ZNF704: variants seen among roughly 807,000 people sequenced by gnomAD.
The protein encoded by ZNF704 is zinc finger protein 704, also known as glucocorticoid induced gene 1.
A neutral mutation model predicts 44.7 loss-of-function variants in ZNF704; 10 were observed. The ratio of observed to expected loss-of-function variants is 0.22; its 90% CI spans 0.14 to 0.38. The LOEUF is 0.38. Among genes scored for constraint, ZNF704 ranks in the 10% least tolerant of loss-of-function variants. ZNF704 has a pLI of 1.00. For synonymous variants in ZNF704, 211 were observed against 207.6 expected, an observed-to-expected ratio of 1.02 and a Z score of -0.14; for missense variants, 390 against 545.5, an observed-to-expected ratio of 0.71 and a Z score of 2.84.
chr8:80,664,983 CA>C lies in ZNF704; in HGVS notation c.758del (p.Leu253ArgfsTer35). On this transcript the variant is annotated frameshift_variant, in exon 6 of 9. Coordinates refer to ENST00000327835, the MANE Select transcript of ZNF704 (RefSeq NM_001033723.3). LOFTEE classifies it high-confidence loss of function. ...GGGACTGGGAAGGTGAGACCGGGGCCAGGCTGCTCAGCCCGTCTGCCACTGA... is the reference window on the plus strand; with the variant it reads ...GGGACTGGGAAGGTGAGACCGGGGCCGGCTGCTCAGCCCGTCTGCCACTGA... Reference protein sequence around the residue: ...TDSVADGLSSLAPVSPSQSLA... With the variant: ...TDSVADGLSSXAPVSPSQSLA... 1 of 1,614,210 alleles carries C rather than the reference CA, an allele frequency of 6.2e-7. No individual in the cohort carries two copies. The highest frequency in any genetic ancestry group is 8.5e-7 in the Non-Finnish European group (1 of 1,180,040).
intron 2 of ZNF704, among the ~76,000 whole-genome samples, chr8:80,702,003 C>T (rs1318495801): frequency 6.6e-6 from 1 of 152,088 alleles, no homozygotes; most frequent in African/African-American, 2.4e-5. Context: ...GGAACTCTAG[C>T]ATATTTAAAT....
intron 2 of ZNF704, among the ~76,000 whole-genome samples, chr8:80,705,913 G>A (rs1476002803): frequency 6.6e-6 from 1 of 152,168 alleles, no homozygotes; most frequent in African/African-American, 2.4e-5. Flanking sequence ...GCTGCATTTA[G>A]CTGGACTGCT....
intron 7 of ZNF704, among the ~76,000 whole-genome samples, chr8:80,648,589 T>C (rs1817867866): frequency 6.6e-6 from 1 of 152,272 alleles, no homozygotes; most frequent in East Asian, 1.9e-4. Context: ...AAATAAATAA[T>C]CTATATCTAC....
chr8:80,743,815 CT>C (rs1024016652), intron 2 of ZNF704, among the ~76,000 whole-genome samples: 2 of 152,306 alleles, frequency 1.3e-5, no homozygotes, highest in African/African-American at 4.8e-5. Flanking sequence ...CATAGGGTCC[CT>C]GTGAAAATTA....
At chr8:80,762,314 A>C (rs1807145612) in intron 2 of ZNF704, among the ~76,000 whole-genome samples, 1 of 152,192 alleles carries the variant, frequency 6.6e-6, no homozygotes, top group Non-Finnish European at 1.5e-5. Flanking sequence ...AGACTAGGTA[A>C]TTTATAAAGG....
chr8:80,790,483 A>AAT (rs1807685595), intron 2 of ZNF704, among the ~76,000 whole-genome samples: 1 of 152,222 alleles, frequency 6.6e-6, no homozygotes, highest in Non-Finnish European at 1.5e-5. Context: ...CACCTATGTA[A>AAT]ATACACACAC....
chr8:80,649,943 C>T (rs1472634685), intron 7 of ZNF704, among the ~76,000 whole-genome samples: 3 of 152,228 alleles, frequency 2.0e-5, no homozygotes, highest in South Asian at 2.1e-4. Flanking sequence ...CTCACACGGC[C>T]GGGTACTTCT....
In ZNF704 at chr8:80,741,927, C is replaced by T. The variant is rs138186309; in HGVS notation, c.222-48820G>A. On this transcript the variant is annotated intron_variant, in intron 2 of 8. Coordinates refer to ENST00000327835, the MANE Select transcript of ZNF704 (RefSeq NM_001033723.3). ...CAGCTGGCAAAACTAATAGCCCTCA[C>T]TCGGGCATCAGAATTAGGAAAAGGA... Among the ~76,000 whole-genome samples, 144 of 152,256 alleles carry T rather than the reference C, an allele frequency of 9.5e-4. 1 individual carries two copies. The East Asian group carries it at 0.025, about 26-fold the overall frequency.
intron 1 of ZNF704, among the ~76,000 whole-genome samples, chr8:80,862,520 G>A (rs1219046248): frequency 2.0e-5 from 3 of 149,124 alleles, no homozygotes; most frequent in Non-Finnish European, 3.0e-5. Flanking sequence ...AGCACTTTGG[G>A]AGGCCAAGGC....
chr8:80,809,362 T>C (rs1808046246), intron 2 of ZNF704, among the ~76,000 whole-genome samples: 1 of 152,204 alleles, frequency 6.6e-6, no homozygotes, highest in South Asian at 2.1e-4. Flanking sequence ...AAATATGTGA[T>C]AGCAAATTGG....
chr8:80,721,152 C>T (rs1297638838), intron 2 of ZNF704, among the ~76,000 whole-genome samples: 1 of 152,216 alleles, frequency 6.6e-6, no homozygotes, highest in Non-Finnish European at 1.5e-5. Context: ...ATGCTCACTG[C>T]TCTGCCTTCA....
At chr8:80,810,045 G>A (rs1407882252) in intron 2 of ZNF704, among the ~76,000 whole-genome samples, 1 of 152,034 alleles carries the variant, frequency 6.6e-6, no homozygotes, top group Non-Finnish European at 1.5e-5. Flanking sequence ...TGTTGCTTTT[G>A]TACTGGCCAA....
chr8:80,658,040 T>A (rs879578999), intron 7 of ZNF704, among the ~76,000 whole-genome samples: 1 of 152,156 alleles, frequency 6.6e-6, no homozygotes, highest in Non-Finnish European at 1.5e-5. Flanking sequence ...ATGGAGGACA[T>A]GGAGCTAGTA....
intron 2 of ZNF704, among the ~76,000 whole-genome samples, chr8:80,760,887 G>A (rs1482445722): frequency 6.6e-6 from 1 of 151,908 alleles, no homozygotes; most frequent in Non-Finnish European, 1.5e-5. Context: ...GAGCGAGCAG[G>A]GAACTGCTGC....
At chr8:80,842,827 T>A (rs1017682731) in intron 1 of ZNF704, among the ~76,000 whole-genome samples, 1 of 152,162 alleles carries the variant, frequency 6.6e-6, no homozygotes, top group African/African-American at 2.4e-5. Flanking sequence ...AGAGGAAGTG[T>A]TCAGCAATGG....
intron 1 of ZNF704, among the ~76,000 whole-genome samples, chr8:80,851,630 C>T (rs897905019): frequency 4.0e-5 from 6 of 151,536 alleles, no homozygotes; most frequent in Non-Finnish European, 5.9e-5. Flanking sequence ...TGCTAAATGA[C>T]GAGTTAATGG....
At chr8:80,762,621 T>C (rs542561605) in intron 2 of ZNF704, among the ~76,000 whole-genome samples, 1 of 152,248 alleles carries the variant, frequency 6.6e-6, no homozygotes, top group African/African-American at 2.4e-5. Context: ...CAAGATGAGA[T>C]TTGGGTAGGG....
At chr8:80,828,507 T>C (rs190874025) in intron 1 of ZNF704, among the ~76,000 whole-genome samples, 1 of 152,200 alleles carries the variant, frequency 6.6e-6, no homozygotes, top group African/African-American at 2.4e-5. Context: ...TGCACAATCA[T>C]GAGACATTTC....
chr8:80,656,903 T>A (rs1333289440), intron 7 of ZNF704, among the ~76,000 whole-genome samples: 3 of 152,194 alleles, frequency 2.0e-5, no homozygotes, highest in African/African-American at 7.2e-5. Flanking sequence ...TGTTCTTCAG[T>A]TTGGACACAA....
Sources: allele counts gnomAD v4.1 joint callset (sites outside exome capture counted in the v4.1 genomes callset), GRCh38; gene constraint gnomAD v4.1.1; transcripts MANE v1.5; gene names NCBI Gene and HGNC (gene_info 2026-07-23, HGNC 2026-07-21).